Variants in SRC observed in about 807,000 individuals in gnomAD.
SRC encodes SRC proto-oncogene, non-receptor tyrosine kinase.
SRC carries 13 observed loss-of-function variants against 62.9 expected under a neutral mutation model. The observed-to-expected ratio is 0.21, with a 90% CI of 0.13 to 0.33. The LOEUF (loss-of-function observed/expected upper bound fraction) is 0.33. Ranked by LOEUF, SRC falls within the 10% of genes least tolerant of loss-of-function variation. The pLI, the probability that SRC is intolerant of heterozygous loss-of-function variation, is 1.00. For missense variants in SRC, 457 were observed against 737.3 expected (o/e 0.62, Z 4.40); for synonymous variants, 302 against 317.5 (o/e 0.95, Z 0.52).
At chr20:37,401,481 A>C (rs1433287747) in intron 10 of SRC, 121 bp from the exon 11 acceptor site, 4 of 677,436 alleles carry the variant, frequency 5.9e-6, no homozygotes, top group Non-Finnish European at 7.8e-6. Flanking sequence ...AGATGAGTTT[A>C]CGTAAAATCT....
At chr20:37,386,791 G>A (rs937585954) in intron 5 of SRC, among the ~76,000 whole-genome samples, 3 of 152,258 alleles carry the variant, frequency 2.0e-5, no homozygotes, top group African/African-American at 7.2e-5. Flanking sequence ...GTGCTGTGAT[G>A]GGGATAGCCT....
chr20:37,388,913 C>T (rs1568637461), intron 5 of SRC, among the ~76,000 whole-genome samples: 1 of 152,130 alleles, frequency 6.6e-6, no homozygotes, highest in Non-Finnish European at 1.5e-5. Context: ...GCACGTCCTT[C>T]CTCCATCAGT....
intron 5 of SRC, among the ~76,000 whole-genome samples, chr20:37,391,299 G>T (rs1296612361): frequency 9.9e-5 from 15 of 152,210 alleles, no homozygotes; most frequent in Admixed American, 9.8e-4. Context: ...AAAGGTCTCA[G>T]CCTCTCTGGG....
chr20:37,377,651 G>A (rs1942990117), intron 2 of SRC, among the ~76,000 whole-genome samples: 1 of 152,200 alleles, frequency 6.6e-6, no homozygotes, highest in African/African-American at 2.4e-5. Flanking sequence ...AGGGCCATGT[G>A]GACCCAGGTG....
intron 1 of SRC, among the ~76,000 whole-genome samples, chr20:37,353,149 C>A (rs528571105): frequency 2.0e-5 from 3 of 152,338 alleles, no homozygotes; most frequent in African/African-American, 7.2e-5. Context: ...GCATCCCCAG[C>A]ACCAGCGGGG....
At chr20:37,375,871 ACT>A (rs2070268352) in intron 2 of SRC, among the ~76,000 whole-genome samples, 1 of 151,904 alleles carries the variant, frequency 6.6e-6, no homozygotes, top group East Asian at 1.9e-4. Context: ...TCTGATGAGG[ACT>A]CTCTTCCTGG....
chr20:37,394,333 T>C (rs1171671516), intron 7 of SRC, 56 bp downstream of exon 7: 1 of 1,504,982 alleles, frequency 6.6e-7, no homozygotes, highest in Non-Finnish European at 9.2e-7. Flanking sequence ...TGGTTTGAGC[T>C]GGGTGTTGTG....
In SRC at chr20:37,384,378, C is replaced by T; in HGVS notation, c.225C>T (p.Ser75=). 1 of 1,452,858 alleles carries T rather than the reference C, an allele frequency of 6.9e-7. No homozygotes were observed. The highest frequency in any genetic ancestry group is 9.0e-7 in the Non-Finnish European group (1 of 1,107,884). The allele number at this position is 1,452,858 out of a possible 1,614,324, so 90.0% of individuals were successfully genotyped here. A position where few individuals can be genotyped will look rare whatever the true frequency, so the allele number is the denominator to read the frequency against. ...TCAACTCCTCGGACACCGTCACCTCCCCGCAGAGGGCGGGCCCGCTGGCCG... is the reference window on the plus strand; with the variant it reads ...TCAACTCCTCGGACACCGTCACCTCTCCGCAGAGGGCGGGCCCGCTGGCCG... ...GGFNSSDTVT[S]PQRAGPLAGG... Residue 75 remains serine (S), a synonymous_variant, in exon 4 of 14, where the codon TCC becomes TCT. Transcript: ENST00000373578. The surrounding 1 kb of genome is among the most constrained non-coding windows in gnomAD (Gnocchi z 6.7).
intron 1 of SRC, among the ~76,000 whole-genome samples, chr20:37,364,771 C>T (rs551005938): frequency 5.8e-4 from 89 of 152,302 alleles, no homozygotes; most frequent in South Asian, 1.0e-3. Context: ...GCATCTGGGG[C>T]GCAGTAGGTG....
intron 2 of SRC, among the ~76,000 whole-genome samples, chr20:37,382,228 C>T (rs769066593): frequency 7.4e-6 from 1 of 135,438 alleles, no homozygotes; most frequent in Non-Finnish European, 1.6e-5. Context: ...GCTGAGGTGA[C>T]CTGTGATGCC....
At chr20:37,359,235 G>A (rs75750484) in intron 1 of SRC, among the ~76,000 whole-genome samples, 2,009 of 152,342 alleles carry the variant, frequency 0.013, 50 homozygotes, top group African/African-American at 0.045. Context: ...GGGCCCATCC[G>A]TCGGTCTATC....
intron 2 of SRC, among the ~76,000 whole-genome samples, chr20:37,380,465 T>C (rs531552492): frequency 6.6e-6 from 1 of 152,330 alleles, no homozygotes; most frequent in South Asian, 2.1e-4. Flanking sequence ...GAGGAGCCGA[T>C]GAGTCAATGT....
At chr20:37,352,506 C>T (rs1478985749) in intron 1 of SRC, among the ~76,000 whole-genome samples, 1 of 152,220 alleles carries the variant, frequency 6.6e-6, no homozygotes, top group Non-Finnish European at 1.5e-5. Context: ...CTGGCTTCTG[C>T]CTTAGCCCTT....
At chr20:37,358,908 G>A (rs900603956) in intron 1 of SRC, among the ~76,000 whole-genome samples, 2 of 152,262 alleles carry the variant, frequency 1.3e-5, no homozygotes, top group Non-Finnish European at 2.9e-5. Flanking sequence ...TGTTCGCGCC[G>A]CGGACACGGG....
At position 37,404,873 on chromosome 20, in the gene SRC, C is replaced by T. The variant is rs1174897723; in HGVS notation, c.*1494C>T. The stretch of plus-strand genomic sequence containing the variant: ...AGTTTGTGGCATCTTGCCAAGGGTC[C>T]CTGTGTGTGTGTATGTGTGTGCATG... On this transcript the variant is annotated 3_prime_UTR_variant, in exon 14 of 14. Coordinates refer to ENST00000373578, the MANE Select transcript of SRC (RefSeq NM_198291.3). 8.6e-6 allele frequency: 2 copies of T among 233,640 alleles called. No individual in the cohort carries two copies. Among genetic ancestry groups the T allele is most frequent in the Non-Finnish European group, 1.7e-5 (2 of 118,136 alleles). 14.5% of individuals were successfully genotyped at this position (233,640 alleles called of 1,614,324 possible).
chr20:37,347,936 C>G (rs965504137), intron 1 of SRC, among the ~76,000 whole-genome samples: 4 of 152,186 alleles, frequency 2.6e-5, no homozygotes, highest in Admixed American at 6.5e-5. Flanking sequence ...ACAGCAGTGT[C>G]GGAAAAGACT....
chr20:37,348,577 C>T (rs765007912), intron 1 of SRC, among the ~76,000 whole-genome samples: 1 of 152,010 alleles, frequency 6.6e-6, no homozygotes, highest in African/African-American at 2.4e-5. Context: ...GAGCTGAGGA[C>T]GAGCAAGAGT....
At chr20:37,373,646 G>A (rs1261747721) in intron 2 of SRC, among the ~76,000 whole-genome samples, 2 of 152,170 alleles carry the variant, frequency 1.3e-5, no homozygotes, top group Non-Finnish European at 2.9e-5. Context: ...TGAGTATTTT[G>A]TGGTTTAAAT....
intron 3 of SRC, chr20:37,383,637 G>A (rs1179978160): frequency 6.4e-6 from 1 of 156,394 alleles, no homozygotes; most frequent in East Asian, 1.9e-4. Flanking sequence ...ACGGATGGAT[G>A]CCATCCTTAC....
Sources: gnomAD v4.1 joint callset for allele counts (sites outside exome capture counted in the v4.1 genomes callset) on GRCh38, gnomAD v4.1.1 for gene constraint, Gnocchi (gnomAD v3.1) non-coding constraint, MANE v1.5 for transcripts, NCBI Gene and HGNC (gene_info 2026-07-23, HGNC 2026-07-21) for gene names.